The following DAPP1 variants were observed in gnomAD, a reference collection of about 807,000 sequenced individuals.
The protein encoded by DAPP1 is dual adapter for phosphotyrosine and 3-phosphotyrosine and 3-phosphoinositide.
Under a neutral mutation model 41.5 loss-of-function variants are expected in DAPP1, and 20 were observed. That is an observed-to-expected ratio of 0.48 (90% CI 0.34 to 0.70). The LOEUF is 0.70. DAPP1 is among the 30% of genes least tolerant of loss of function. DAPP1 has a pLI of 0.01. For synonymous variants in DAPP1, 113 were observed against 116.2 expected (o/e 0.97, Z 0.18); for missense variants, 233 against 333.4 (o/e 0.70, Z 2.35).
At chr4:99,829,781 ATAT>A (rs1723059109) in intron 1 of DAPP1, among the ~76,000 whole-genome samples, 1 of 152,188 alleles carries the variant, frequency 6.6e-6, no homozygotes, top group Non-Finnish European at 1.5e-5. Context: ...ATAGAAAATT[ATAT>A]TATTAAATTA....
intron 3 of DAPP1, among the ~76,000 whole-genome samples, chr4:99,841,916 T>C (rs1343868193): frequency 6.6e-6 from 1 of 152,246 alleles, no homozygotes; most frequent in African/African-American, 2.4e-5. Flanking sequence ...CTCCCTTCTT[T>C]TAAATTCTTC....
chr4:99,828,755 A>G (rs1287006583), intron 1 of DAPP1, among the ~76,000 whole-genome samples: 2 of 152,208 alleles, frequency 1.3e-5, no homozygotes, highest in Non-Finnish European at 2.9e-5. Flanking sequence ...TTTTTACTGT[A>G]TCATGGAAAG....
intron 3 of DAPP1, among the ~76,000 whole-genome samples, chr4:99,846,251 C>G (rs1383313753): frequency 6.6e-6 from 1 of 152,170 alleles, no homozygotes; most frequent in Admixed American, 6.5e-5. Flanking sequence ...TTCACATGCC[C>G]TAGAAGTTTC....
intron 1 of DAPP1, among the ~76,000 whole-genome samples, chr4:99,824,359 CT>C (rs1437732589): frequency 6.6e-6 from 1 of 152,238 alleles, no homozygotes; most frequent in Admixed American, 6.5e-5. Context: ...AGCCAGTGAG[CT>C]TTCCACTGAA....
chr4:99,866,729 A>G (rs1309921787), intron 8 of DAPP1: 1 of 582,156 alleles, frequency 1.7e-6, no homozygotes, highest in African/African-American at 2.0e-5. Context: ...TTTCCTATAA[A>G]TACCATCTTA....
chr4:99,817,247 GA>G (rs1722620355), intron 1 of DAPP1, among the ~76,000 whole-genome samples: 4 of 152,280 alleles, frequency 2.6e-5, no homozygotes. Flanking sequence ...AGTTGGTTGA[GA>G]AAATAGGGAA....
At chr4:99,865,966 TTATA>T (rs144437006) in intron 7 of DAPP1, 64 bp from the exon 8 acceptor site, 2,397 of 79,830 alleles carry the variant, frequency 0.03, 100 homozygotes, top group South Asian at 0.06. Context: ...ATTATATATA[TTATA>T]TATATATATA....
intron 1 of DAPP1, among the ~76,000 whole-genome samples, chr4:99,819,295 G>C (rs1722690401): frequency 6.6e-6 from 1 of 152,142 alleles, no homozygotes; most frequent in South Asian, 2.1e-4. Context: ...TGGAAAAACA[G>C]CTGGGAAGAG....
At chr4:99,828,864 T>C (rs1237202235) in intron 1 of DAPP1, among the ~76,000 whole-genome samples, 2 of 152,226 alleles carry the variant, frequency 1.3e-5, no homozygotes, top group East Asian at 3.8e-4. Context: ...CTTTTCTCTG[T>C]TGACTTTATC....
chr4:99,862,539 TATA>T (rs1724274916), intron 5 of DAPP1, among the ~76,000 whole-genome samples: 1 of 152,142 alleles, frequency 6.6e-6, no homozygotes, highest in Non-Finnish European at 1.5e-5. Flanking sequence ...GAGGATTGGA[TATA>T]ATATATAAAG....
rs1724598613 is a variant in DAPP1 at position 99,870,127 on chromosome 4, A to G, written c.*1942A>G. 2 of 152,148 alleles carry G rather than the reference A, an allele frequency of 1.3e-5. No homozygotes were observed. Among genetic ancestry groups the G allele is most frequent in the South Asian group, 4.1e-4 (2 of 4,830 alleles). The allele number at this position is 152,148 out of a possible 1,614,324, so 9.4% of individuals were successfully genotyped here. On this transcript the variant is annotated 3_prime_UTR_variant, in exon 9 of 9. Coordinates refer to ENST00000512369, the MANE Select transcript of DAPP1 (RefSeq NM_014395.3). ...TCTTTGGCTTTGTTTATTAAAAAGCATGATTTTGCTGTGCATGTACCATTT... is the reference window on the plus strand; with the variant it reads ...TCTTTGGCTTTGTTTATTAAAAAGCGTGATTTTGCTGTGCATGTACCATTT...
chr4:99,869,430 G>T lies in DAPP1; in HGVS notation c.*1245G>T, dbSNP rs1245365752. Reference sequence around the variant, plus strand: ...TGCTTGAAGAGCCTGAGAGTAAAAAGATTATGCTGCAAAGCTATGATATAA... The same window carrying T: ...TGCTTGAAGAGCCTGAGAGTAAAAATATTATGCTGCAAAGCTATGATATAA... On this transcript the variant is annotated 3_prime_UTR_variant, in exon 9 of 9. Transcript: ENST00000512369. The T allele has an allele frequency of 1.3e-5, 2 of 152,126 alleles. No homozygotes were observed. Among genetic ancestry groups the T allele is most frequent in the African/African-American group, 2.4e-5 (1 of 41,408 alleles). The allele number at this position is 152,126 out of a possible 1,614,324, so 9.4% of individuals were successfully genotyped here.
chr4:99,851,189 G>T (rs1041659856), intron 3 of DAPP1, among the ~76,000 whole-genome samples: 3 of 152,196 alleles, frequency 2.0e-5, no homozygotes, highest in Non-Finnish European at 4.4e-5. Flanking sequence ...CTGTAAAACT[G>T]TAGCCGGCCC....
intron 1 of DAPP1, 36 bp downstream of exon 1, chr4:99,817,050 G>A (rs750557520): frequency 1.3e-5 from 20 of 1,505,294 alleles, no homozygotes; most frequent in Non-Finnish European, 1.8e-5. Context: ...GTACCTAGTG[G>A]GTGGACATTG....
Position 99,863,185 on chromosome 4 carries a change from A to C in DAPP1, c.600+113A>C, listed in dbSNP as rs150820776. On this transcript the variant is annotated intron_variant, in intron 6 of 8. Coordinates refer to ENST00000512369, the MANE Select transcript of DAPP1 (RefSeq NM_014395.3). ...TTATATCCACCTGAAATACCTAATA[A>C]ATGATTGGAGATATGAATTCTTGAT... 3.7e-5 allele frequency: 24 copies of C among 640,640 alleles called. No homozygotes were observed. In the African/African-American group the frequency reaches 3.8e-4, roughly 10 times the overall value. The allele number at this position is 640,640 out of a possible 1,614,324, so 39.7% of individuals were successfully genotyped here. A position where few individuals can be genotyped will look rare whatever the true frequency, so the allele number is the denominator to read the frequency against.
chr4:99,832,654 T>A (rs1723165701), intron 1 of DAPP1, among the ~76,000 whole-genome samples: 1 of 152,278 alleles, frequency 6.6e-6, no homozygotes, highest in South Asian at 2.1e-4. Flanking sequence ...CTTCTTGCAT[T>A]ATACTCAAGT....
chr4:99,854,904 A>T (rs1723992974), intron 4 of DAPP1, among the ~76,000 whole-genome samples: 1 of 152,182 alleles, frequency 6.6e-6, no homozygotes, highest in Admixed American at 6.5e-5. Flanking sequence ...GAAACATCTA[A>T]GTACATGAAT....
In DAPP1 at chr4:99,861,567, T is replaced by C; in HGVS notation, c.490-11T>C. ...CAGTTCTGGTCTTCACTCAGTGCTT[T>C]TCTTTTTCAGCTGGGCACCAAAGAA... On this transcript the variant is annotated splice_polypyrimidine_tract_variant and intron_variant, in intron 4 of 8. Coordinates refer to ENST00000512369, the MANE Select transcript of DAPP1 (RefSeq NM_014395.3). The C allele has an allele frequency of 6.4e-7, 1 of 1,567,066 alleles. No homozygotes were observed. The highest frequency in any genetic ancestry group is 8.7e-7 in the Non-Finnish European group (1 of 1,154,978).
At chr4:99,822,465 G>C (rs1722805757) in intron 1 of DAPP1, among the ~76,000 whole-genome samples, 1 of 152,188 alleles carries the variant, frequency 6.6e-6, no homozygotes, top group Non-Finnish European at 1.5e-5. Context: ...CTCCACAGTA[G>C]AAGTGGAGAA....
Sources: gnomAD v4.1 joint callset for allele counts (sites outside exome capture counted in the v4.1 genomes callset) on GRCh38, gnomAD v4.1.1 for gene constraint, MANE v1.5 for transcripts, NCBI Gene and HGNC (gene_info 2026-07-23, HGNC 2026-07-21) for gene names.